The following MYO7A variants were observed in gnomAD, a reference collection of about 807,000 sequenced individuals.
MYO7A encodes unconventional myosin-VIIa.
A neutral mutation model predicts 263.8 loss-of-function variants in MYO7A; 210 were observed. The ratio of observed to expected loss-of-function variants is 0.80; its 90% confidence interval spans 0.71 to 0.89. MYO7A has a LOEUF of 0.89. Among genes scored for constraint, MYO7A ranks in the 40% least tolerant of loss-of-function variants. The pLI is 0.00. For synonymous variants in MYO7A, 1,239 were observed against 1,197.3 expected (o/e 1.03, Z -0.72); for missense variants, 2,820 against 2,968.3 (o/e 0.95, Z 1.16).
rs1050991578 is a variant in MYO7A at position 77,145,627 on chromosome 11, A to G, written c.133-2171A>G. On this transcript the variant is annotated intron_variant, in intron 3 of 48. Coordinates refer to ENST00000409709, the MANE Select transcript of MYO7A (RefSeq NM_000260.4). ...AACAGGATCAGCTTGTATAAGAAAT[A>G]GGGTGCCTGGGAGAGAGGAATGTTC... 3.3e-5 allele frequency among the ~76,000 whole-genome samples: 5 copies of G among 152,298 alleles called. No homozygotes were observed. In the East Asian group the frequency reaches 9.7e-4, roughly 29 times the overall value.
At chr11:77,198,186 G>T (rs902925267) in intron 33 of MYO7A, among the ~76,000 whole-genome samples, 1 of 152,216 alleles carries the variant, frequency 6.6e-6, no homozygotes, top group African/African-American at 2.4e-5. Flanking sequence ...GAGCACCAGG[G>T]CCGGAGGGAA....
rs1235545023 is a variant in MYO7A, at chr11:77,207,330, C to T, written c.5784C>T (p.Cys1928=). The change falls in exon 42 of 49, where the codon TGC becomes TGT. Residue 1928 remains cysteine, a synonymous_variant. Transcript: ENST00000409709. ...CCAGCACCAAGGCCAAGGACTTCTG[C>T]CAGAACATCGCCACCAGGCTGCTCC... The part of the protein sequence containing the change: ...VESSTKAKDF[C]QNIATRLLLK... 6 of 1,612,516 alleles carry T rather than the reference C, an allele frequency of 3.7e-6. No individual in the cohort carries two copies. Among genetic ancestry groups the T allele is most frequent in the Non-Finnish European group, 5.1e-6 (6 of 1,179,406 alleles).
Position 77,166,070 on chromosome 11 carries a change from A to T in MYO7A, c.1705A>T (p.Asn569Tyr). The T allele has an allele frequency of 6.2e-7, 1 of 1,613,662 alleles. No homozygotes were observed. The highest frequency in any genetic ancestry group is 8.5e-7 in the Non-Finnish European group (1 of 1,179,764). ...GCTGCTTGCAGGCTTCCTGGAGAAG[A>T]ACCGAGACACCCTGCATGGGGACAT... ...YYETQGFLEK[N>Y]RDTLHGDIIQ... The change falls in exon 15 of 49, where the codon AAC becomes TAC. Residue 569 changes from asparagine to tyrosine, a missense_variant. Physicochemically the swap from Asn to Tyr is moderately radical, Grantham distance 143. Coordinates refer to ENST00000409709, the MANE Select transcript of MYO7A (RefSeq NM_000260.4).
At chr11:77,136,355 T>C (rs1950902931) in intron 2 of MYO7A, among the ~76,000 whole-genome samples, 1 of 152,206 alleles carries the variant, frequency 6.6e-6, no homozygotes, top group Admixed American at 6.5e-5. Context: ...AAGAGGCCTA[T>C]TCCTCCAGCT....
At chr11:77,163,068 C>A in intron 14 of MYO7A, 80 bp downstream of exon 14, 2 of 1,489,050 alleles carry the variant, frequency 1.3e-6, no homozygotes, top group Non-Finnish European at 9.1e-7. Context: ...ATAAGATATC[C>A]GGAATTTTAA....
chr11:77,175,264 C>A lies in MYO7A; in HGVS notation c.2095-108C>A, dbSNP rs1210931576. 4 of 1,028,822 alleles carry A rather than the reference C, an allele frequency of 3.9e-6. No individual in the cohort carries two copies. The African/African-American group carries it at 6.3e-5, about 16-fold the overall frequency. The allele number at this position is 1,028,822 out of a possible 1,614,324, so 63.7% of individuals were successfully genotyped here. Reference sequence around the variant, plus strand: ...ACCCAGCTGAGGTCACACTTCGAGTCAGGGGCAGAGCTCGGGAAGAGCCCT... The same window carrying A: ...ACCCAGCTGAGGTCACACTTCGAGTAAGGGGCAGAGCTCGGGAAGAGCCCT... On this transcript the variant is annotated intron_variant, in intron 17 of 48. Coordinates refer to ENST00000409709, the MANE Select transcript of MYO7A (RefSeq NM_000260.4).
Position 77,172,876 on chromosome 11 carries a change from G to A in MYO7A, c.1926G>A (p.Lys642=), listed in dbSNP as rs1555077338. ...GATGCATCAAGCCCAATGAGTTCAA[G>A]AAGCCCATGGTGAGTGGCCCTGGCC... ...FVRCIKPNEF[K]KPMLFDRHLC... is the part of the protein sequence containing the mutation. Residue 642 remains lysine, a synonymous_variant, in exon 16 of 49, where the codon AAG becomes AAA. Coordinates refer to ENST00000409709, the MANE Select transcript of MYO7A (RefSeq NM_000260.4). 1 of 1,551,262 alleles carries A rather than the reference G, an allele frequency of 6.4e-7. No homozygotes were observed.
intron 19 of MYO7A, among the ~76,000 whole-genome samples, chr11:77,178,510 A>G (rs558953791): frequency 6.6e-6 from 1 of 152,218 alleles, no homozygotes; most frequent in East Asian, 1.9e-4. Context: ...TTGCACACCC[A>G]TCCTTCGCTC....
At position 77,180,466 on chromosome 11, in the gene MYO7A, C is replaced by T. The variant is rs782279442; in HGVS notation, c.2679C>T (p.Ala893=). 9.3e-6 allele frequency: 15 copies of T among 1,612,232 alleles called. No individual in the cohort carries two copies. The highest frequency in any genetic ancestry group is 4.5e-5 in the East Asian group (2 of 44,870). The change falls in exon 22 of 49, where the codon GCC becomes GCT. Residue 893 remains alanine (A), a synonymous_variant. Coordinates refer to ENST00000409709, the MANE Select transcript of MYO7A (RefSeq NM_000260.4). ...EMSAKKAKEE[A]ERKHQERLAQ... Reference sequence around the variant, plus strand: ...GCGCCAAGAAGGCCAAGGAGGAGGCCGAGCGCAAGCATCAGGTGAGCTGAG... The same window carrying T: ...GCGCCAAGAAGGCCAAGGAGGAGGCTGAGCGCAAGCATCAGGTGAGCTGAG...
chr11:77,167,563 T>C (rs1387636182), intron 15 of MYO7A, among the ~76,000 whole-genome samples: 2 of 152,088 alleles, frequency 1.3e-5, no homozygotes, highest in African/African-American at 2.4e-5. Context: ...TCCTGAACTC[T>C]GGTTCAGGCC....
intron 31 of MYO7A, among the ~76,000 whole-genome samples, chr11:77,193,004 TTGG>T (rs1204014943): frequency 2.4e-5 from 3 of 122,978 alleles, no homozygotes; most frequent in African/African-American, 3.9e-5. Context: ...AGTGATGCTG[TTGG>T]TGATGGTGGA....
At chr11:77,213,330 G>A (rs1957988618) in intron 47 of MYO7A, among the ~76,000 whole-genome samples, 1 of 152,252 alleles carries the variant, frequency 6.6e-6, no homozygotes, top group Non-Finnish European at 1.5e-5. Context: ...GGGGCTGGCT[G>A]TGCAGGGGTG....
In MYO7A at chr11:77,201,484, G is replaced by A. The variant is rs1957058124; in HGVS notation, c.4889G>A (p.Gly1630Glu). The change falls in exon 36 of 49, where the codon GGA (glycine) becomes GAA (glutamate). Residue 1630 changes from glycine to glutamate, a missense_variant. Coordinates refer to ENST00000409709, the MANE Select transcript of MYO7A (RefSeq NM_000260.4). The part of the protein sequence containing the change: ...EESGFLSFAK[G>E]DLIILDHDTG... ...TCAGGCTTCCTCAGCTTTGCCAAGGGAGACCTCATCATCCTGGACCATGAC... is the reference window on the plus strand; with the variant it reads ...TCAGGCTTCCTCAGCTTTGCCAAGGAAGACCTCATCATCCTGGACCATGAC... The A allele has an allele frequency of 6.2e-7, 1 of 1,613,834 alleles. No individual in the cohort carries two copies. Among genetic ancestry groups the A allele is most frequent in the Non-Finnish European group, 8.5e-7 (1 of 1,179,892 alleles).
chr11:77,162,725 C>T, intron 13 of MYO7A, 128 bp from the exon 14 acceptor site: 1 of 1,279,796 alleles, frequency 7.8e-7, no homozygotes, highest in Non-Finnish European at 1.1e-6. Context: ...CAGAGAGCGC[C>T]TATGTGAGGT....
chr11:77,208,939 C>T, intron 44 of MYO7A, 136 bp downstream of exon 44: 1 of 691,454 alleles, frequency 1.4e-6, no homozygotes, highest in South Asian at 1.8e-5. Context: ...CCTGCCAAGA[C>T]CACTGGAGCC....
rs111033448 is a variant in MYO7A, at chr11:77,156,683, CG to C, written c.496del (p.Glu166ArgfsTer5). ...AGTGGGGAATCTGGGGCCGGGAAGA[CG>C]GAGAGCACAAAGCTGATCCTGCAGT... ...IISGESGAGK[T>X]ESTKLILQFL... On this transcript the variant is annotated frameshift_variant, in exon 6 of 49. Coordinates refer to ENST00000409709, the MANE Select transcript of MYO7A (RefSeq NM_000260.4). LOFTEE classifies it high-confidence loss of function. The C allele has an allele frequency of 8.1e-6, 13 of 1,613,798 alleles. No individual in the cohort carries two copies. In the South Asian group the frequency reaches 1.1e-4, roughly 14 times the overall value.
chr11:77,196,095 G>T (rs914115305), intron 32 of MYO7A, among the ~76,000 whole-genome samples: 1 of 152,250 alleles, frequency 6.6e-6, no homozygotes, highest in Non-Finnish European at 1.5e-5. Flanking sequence ...TGGGCCAGGC[G>T]CGGTGGCTCA....
chr11:77,201,448 C>A lies in MYO7A; in HGVS notation c.4853C>A (p.Ala1618Glu), dbSNP rs1381338665. The change falls in exon 36 of 49, where the codon GCA (alanine) becomes GAA (glutamate). Residue 1618 changes from alanine (A) to glutamate (E), a missense_variant and splice_region_variant. Ala to Glu is a moderately radical substitution (Grantham distance 107). Transcript: ENST00000409709. Reference protein sequence around the residue: ...VVALQDNPNPAGEESGFLSFA... With the variant: ...VVALQDNPNPEGEESGFLSFA... Reference sequence around the variant, plus strand: ...GGTCCCACTCACCTCTGCTCTACAGCAGGCGAGGAGTCAGGCTTCCTCAGC... The same window carrying A: ...GGTCCCACTCACCTCTGCTCTACAGAAGGCGAGGAGTCAGGCTTCCTCAGC... 4.3e-6 allele frequency: 7 copies of A among 1,613,226 alleles called. No individual in the cohort carries two copies. Among genetic ancestry groups the A allele is most frequent in the Middle Eastern group, 1.7e-4 (1 of 6,060 alleles).
chr11:77,157,257 A>G (rs1382235228), intron 7 of MYO7A, 22 bp from the exon 8 acceptor site: 12 of 1,579,648 alleles, frequency 7.6e-6, no homozygotes, highest in South Asian at 1.1e-5. Context: ...CCTGGCCCCC[A>G]GCACTGTGCC....
Sources: gnomAD v4.1 joint callset for allele counts (sites outside exome capture counted in the v4.1 genomes callset) on GRCh38, gnomAD v4.1.1 for gene constraint, MANE v1.5 for transcripts, NCBI Gene and HGNC (gene_info 2026-07-23, HGNC 2026-07-21) for gene names.